RMI1: variants seen among roughly 807,000 people sequenced by gnomAD.
RMI1 encodes recQ-mediated genome instability protein 1.
In RMI1, 36 loss-of-function variants were observed where a neutral mutation model predicts 46.7. That is an observed-to-expected ratio of 0.77 (90% confidence interval 0.59 to 1.02). The LOEUF (loss-of-function observed/expected upper bound fraction) is 1.02. RMI1 is among the 50% of genes least tolerant of loss of function. The probability of loss-of-function intolerance (pLI) is 0.00; values close to 1 mark genes in which losing one functional copy is unlikely to be tolerated. For synonymous variants in RMI1, 250 were observed against 252.9 expected (o/e 0.99, Z 0.11); for missense variants, 676 against 713.7 (o/e 0.95, Z 0.60).
At chr9:83,989,573 A>G (rs1455216368) in intron 1 of RMI1, among the ~76,000 whole-genome samples, 6 of 152,186 alleles carry the variant, frequency 3.9e-5, no homozygotes, top group Admixed American at 1.3e-4. Flanking sequence ...CAACAGGTAC[A>G]TGAAAAAATA....
chr9:83,982,342 G>T (rs1957424514), intron 1 of RMI1, among the ~76,000 whole-genome samples: 1 of 152,162 alleles, frequency 6.6e-6, no homozygotes, highest in Non-Finnish European at 1.5e-5. Flanking sequence ...AATGATGAGT[G>T]GGAATCACAA....
At chr9:83,997,368 C>A (rs538481520) in intron 1 of RMI1, among the ~76,000 whole-genome samples, 10 of 151,916 alleles carry the variant, frequency 6.6e-5, no homozygotes, top group African/African-American at 2.4e-4. Flanking sequence ...ACCTTGGCCT[C>A]CCAAAGTGCT....
At chr9:83,995,984 A>G (rs757014632) in intron 1 of RMI1, among the ~76,000 whole-genome samples, 5 of 152,148 alleles carry the variant, frequency 3.3e-5, no homozygotes, top group Non-Finnish European at 7.3e-5. Flanking sequence ...AAAAATTAAG[A>G]TGTTTCATTT....
chr9:84,000,151 A>G (rs1957717353), intron 2 of RMI1, among the ~76,000 whole-genome samples: 4 of 152,222 alleles, frequency 2.6e-5, no homozygotes, highest in Admixed American at 2.6e-4. Context: ...CATAAAGAAC[A>G]TTAGTGAACA....
intron 1 of RMI1, among the ~76,000 whole-genome samples, chr9:83,999,097 C>T (rs760098653): frequency 2.6e-5 from 4 of 151,626 alleles, no homozygotes; most frequent in Admixed American, 6.6e-5. Flanking sequence ...GCCGAGATTG[C>T]GCCACTGCAG....
At chr9:83,997,108 C>CTTTT (rs35796088) in intron 1 of RMI1, among the ~76,000 whole-genome samples, 2 of 60,326 alleles carry the variant, frequency 3.3e-5, no homozygotes, top group African/African-American at 7.0e-5. Context: ...ACACCCCCCC[C>CTTTT]TTTTTTTTTT....
chr9:84,002,710 T>A lies in RMI1; in HGVS notation c.1724T>A (p.Leu575Gln), dbSNP rs767533258. 4 of 1,613,982 alleles carry A rather than the reference T, an allele frequency of 2.5e-6. No homozygotes were observed. The highest frequency in any genetic ancestry group is 3.4e-6 in the Non-Finnish European group (4 of 1,179,936). The change falls in exon 3 of 3, where the codon CTG (leucine) becomes CAG (glutamine). Residue 575 changes from leucine to glutamine, a missense_variant. Physicochemically the swap from Leu to Gln is moderately radical, Grantham distance 113. Coordinates refer to ENST00000445877, the MANE Select transcript of RMI1 (RefSeq NM_001358291.2). ...KKDPLQYQKFLEGLQKCQRDL... is the reference protein window; with the variant it reads ...KKDPLQYQKFQEGLQKCQRDL... ...GATCCTCTTCAATACCAAAAGTTCCTGGAAGGGTTGCAGAAATGTCAAAGA... is the reference window on the plus strand; with the variant it reads ...GATCCTCTTCAATACCAAAAGTTCCAGGAAGGGTTGCAGAAATGTCAAAGA...
In RMI1 at chr9:84,002,785, T is replaced by C; in HGVS notation, c.1799T>C (p.Leu600Ser). The change falls in exon 3 of 3, where the codon TTG becomes TCG. Residue 600 changes from leucine (L) to serine (S), a missense_variant. Leu to Ser is a moderately radical substitution (Grantham distance 145, BLOSUM62 -2). Transcript: ENST00000445877. ...ATGACTATTTCATTTAATCCTTCCT[T>C]GTCTAAAGCAATGGTACTGGCATTA... is the stretch of plus-strand genomic sequence containing the variant. Reference protein sequence around the residue: ...CLMTISFNPSLSKAMVLALQD... With the variant: ...CLMTISFNPSSSKAMVLALQD... 1 of 1,611,866 alleles carries C rather than the reference T, an allele frequency of 6.2e-7. No homozygotes were observed. Among genetic ancestry groups the C allele is most frequent in the Non-Finnish European group, 8.5e-7 (1 of 1,178,148 alleles).
intron 1 of RMI1, among the ~76,000 whole-genome samples, chr9:83,992,553 A>G (rs188054465): frequency 6.6e-6 from 1 of 152,172 alleles, no homozygotes; most frequent in Admixed American, 6.5e-5. Flanking sequence ...CCAAAAAGGC[A>G]CAATATCACT....
intron 1 of RMI1, among the ~76,000 whole-genome samples, chr9:83,983,416 T>A (rs1957447561): frequency 6.6e-6 from 1 of 152,228 alleles, no homozygotes. Flanking sequence ...TTTCGGAGTA[T>A]CTTCTCAAAA....
intron 1 of RMI1, among the ~76,000 whole-genome samples, chr9:83,991,043 GTGATCCACCCGCCTCAGCC>G (rs1451142981): frequency 6.6e-6 from 1 of 152,126 alleles, no homozygotes; most frequent in African/African-American, 2.4e-5. Context: ...CCGACCTCAG[GTGATCCACCCGCCTCAGCC>G]TCCCAAAGTG....
At chr9:83,982,942 AACAAT>A (rs745614430) in intron 1 of RMI1, among the ~76,000 whole-genome samples, 1 of 152,240 alleles carries the variant, frequency 6.6e-6, no homozygotes, top group African/African-American at 2.4e-5. Flanking sequence ...TCAAGAACTT[AACAAT>A]ACATTCATTG....
chr9:83,995,132 T>C (rs957533924), intron 1 of RMI1, among the ~76,000 whole-genome samples: 1 of 152,018 alleles, frequency 6.6e-6, no homozygotes, highest in Non-Finnish European at 1.5e-5. Flanking sequence ...CCCGAGTAGC[T>C]GGGATTACAG....
chr9:83,988,647 G>A (rs1215925455), intron 1 of RMI1, among the ~76,000 whole-genome samples: 1 of 152,152 alleles, frequency 6.6e-6, no homozygotes, highest in African/African-American at 2.4e-5. Context: ...CTTTTCCACG[G>A]TGGCTGTGCC....
intron 1 of RMI1, among the ~76,000 whole-genome samples, chr9:83,981,209 C>T (rs868285218): frequency 3.2e-4 from 48 of 152,212 alleles, no homozygotes; most frequent in African/African-American, 1.1e-3. Flanking sequence ...AGGGCACAGG[C>T]GGTTTCACAG....
At chr9:83,988,841 C>T (rs894446330) in intron 1 of RMI1, among the ~76,000 whole-genome samples, 22 of 152,010 alleles carry the variant, frequency 1.4e-4, no homozygotes, top group Non-Finnish European at 2.1e-4. Flanking sequence ...GTTTCCATAT[C>T]GTTTTTCTTT....
intron 1 of RMI1, among the ~76,000 whole-genome samples, chr9:83,998,671 G>A (rs552638922): frequency 2.6e-5 from 4 of 152,316 alleles, no homozygotes; most frequent in African/African-American, 9.6e-5. Context: ...GGGATGCAAT[G>A]TAAAATAGTT....
chr9:83,982,858 C>G (rs1426400467), intron 1 of RMI1, among the ~76,000 whole-genome samples: 1 of 152,082 alleles, frequency 6.6e-6, no homozygotes, highest in East Asian at 1.9e-4. Context: ...ACAGGAAAGT[C>G]TTTTTTCTCC....
intron 1 of RMI1, among the ~76,000 whole-genome samples, chr9:83,982,144 G>A (rs1387617991): frequency 6.6e-6 from 1 of 152,176 alleles, no homozygotes; most frequent in Non-Finnish European, 1.5e-5. Flanking sequence ...TTATGTAGGG[G>A]CTTAGGATAC....
Sources: allele counts gnomAD v4.1 joint callset (sites outside exome capture counted in the v4.1 genomes callset), GRCh38; gene constraint gnomAD v4.1.1; transcripts MANE v1.5; gene names NCBI Gene and HGNC (gene_info 2026-07-23, HGNC 2026-07-21).